The following ARHGAP44 variants were observed in gnomAD, a reference collection of about 807,000 sequenced individuals.
ARHGAP44 encodes the protein Rho GTPase activating protein 44.
In ARHGAP44, 43 loss-of-function variants were observed where a neutral mutation model predicts 106.8. The ratio of observed to expected loss-of-function variants is 0.40; its 90% CI spans 0.32 to 0.52. ARHGAP44 has a LOEUF of 0.52. ARHGAP44 is among the 20% of genes least tolerant of loss of function. The pLI is 0.48. For synonymous variants in ARHGAP44, 439 were observed against 410.3 expected (o/e 1.07, Z -0.85); for missense variants, 866 against 1,050.5 (o/e 0.82, Z 2.43).
intron 18 of ARHGAP44, among the ~76,000 whole-genome samples, chr17:12,978,429 G>C (rs1338645781): frequency 1.3e-5 from 2 of 152,256 alleles, no homozygotes; most frequent in Non-Finnish European, 2.9e-5. Context: ...GGTATAGTGT[G>C]TAAGACTCAT....
rs115636354 is a variant in ARHGAP44, at chr17:12,925,749, G to A, written c.465-3180G>A. Among the ~76,000 whole-genome samples the A allele has an allele frequency of 3.1e-3, 478 of 152,296 alleles. 1 individual carries two copies. The highest frequency in any genetic ancestry group is 0.011 in the African/African-American group (451 of 41,568). ...ATCCTTCTGCTCTTCAACTTTCAAA[G>A]CTCAAAGTTTCCTTGGACAATGTCT... On this transcript the variant is annotated intron_variant, in intron 6 of 20. Coordinates refer to ENST00000379672, the MANE Select transcript of ARHGAP44 (RefSeq NM_014859.6).
intron 15 of ARHGAP44, among the ~76,000 whole-genome samples, chr17:12,957,730 C>A (rs983701425): frequency 6.6e-6 from 1 of 152,094 alleles, no homozygotes; most frequent in Non-Finnish European, 1.5e-5. Flanking sequence ...GAAGAGATAG[C>A]AGTTGTTACA....
At chr17:12,959,827 C>T (rs1025184721) in intron 16 of ARHGAP44, among the ~76,000 whole-genome samples, 5 of 152,192 alleles carry the variant, frequency 3.3e-5, no homozygotes, top group Non-Finnish European at 7.3e-5. Flanking sequence ...ATGGGAGTAT[C>T]GGAAATGCAG....
intron 18 of ARHGAP44, among the ~76,000 whole-genome samples, chr17:12,975,536 C>T (rs933813082): frequency 2.6e-5 from 4 of 152,026 alleles, no homozygotes; most frequent in South Asian, 2.1e-4. Flanking sequence ...CGGTGGCTCA[C>T]GCCTGTAATC....
At chr17:12,941,805 A>C (rs2038716247) in intron 8 of ARHGAP44, among the ~76,000 whole-genome samples, 1 of 152,204 alleles carries the variant, frequency 6.6e-6, no homozygotes, top group Non-Finnish European at 1.5e-5. Context: ...TTACCAGGGT[A>C]AATGCAAAGC....
intron 7 of ARHGAP44, among the ~76,000 whole-genome samples, chr17:12,932,663 C>G (rs2038434610): frequency 6.7e-6 from 1 of 149,976 alleles, no homozygotes; most frequent in Non-Finnish European, 1.5e-5. Context: ...TTTAATACAT[C>G]TGAAATTTAT....
At chr17:12,904,381 C>T (rs866191316) in intron 3 of ARHGAP44, among the ~76,000 whole-genome samples, 19 of 152,332 alleles carry the variant, frequency 1.2e-4, no homozygotes, top group Middle Eastern at 6.8e-3. Context: ...TCTGGGATTA[C>T]AGGCGTGAGC....
At chr17:12,940,518 C>T (rs547614752) in intron 7 of ARHGAP44, among the ~76,000 whole-genome samples, 2 of 152,278 alleles carry the variant, frequency 1.3e-5, no homozygotes, top group South Asian at 2.1e-4. Flanking sequence ...CCAGATTTTG[C>T]CAAGTTTTGA....
At chr17:12,929,806 C>G (rs1482749873) in intron 7 of ARHGAP44, among the ~76,000 whole-genome samples, 1 of 152,206 alleles carries the variant, frequency 6.6e-6, no homozygotes. Flanking sequence ...TGTAACTATT[C>G]TGGGAACCTG....
chr17:12,895,129 C>A, intron 2 of ARHGAP44, 150 bp downstream of exon 2: 4 of 670,624 alleles, frequency 6.0e-6, no homozygotes, highest in Non-Finnish European at 9.5e-6. Context: ...GACTCTGTCT[C>A]AAAACAAACA....
intron 1 of ARHGAP44, among the ~76,000 whole-genome samples, chr17:12,817,091 C>CT (rs2034619956): frequency 6.6e-6 from 1 of 151,896 alleles, no homozygotes; most frequent in South Asian, 2.1e-4. Context: ...TAATGGAGTT[C>CT]AACTAGAAAT....
intron 6 of ARHGAP44, among the ~76,000 whole-genome samples, chr17:12,927,487 G>C (rs1201712907): frequency 2.0e-5 from 3 of 152,208 alleles, no homozygotes; most frequent in African/African-American, 7.2e-5. Context: ...GCTGCAGACT[G>C]ATGGTCTGAG....
Position 12,789,633 on chromosome 17 carries a change from G to C in ARHGAP44, c.-206G>C, listed in dbSNP as rs1389803147. On this transcript the variant is annotated 5_prime_UTR_variant, in exon 1 of 21. Transcript: ENST00000379672. ...GGCATTGCGCGGCGCGCGTGAGGGG[G>C]ATGCGGCAGGAGGCGGCGCGGCGGG... The C allele has an allele frequency of 5.8e-6, 2 of 344,596 alleles. No individual in the cohort carries two copies. Among genetic ancestry groups the C allele is most frequent in the East Asian group, 9.2e-5 (2 of 21,684 alleles). 21.3% of individuals were successfully genotyped at this position (344,596 alleles called of 1,614,324 possible).
rs1479716183 is a variant in ARHGAP44, at chr17:12,958,949, G to A, written c.1523+52G>A. On this transcript the variant is annotated intron_variant, in intron 16 of 20. Coordinates refer to ENST00000379672, the MANE Select transcript of ARHGAP44 (RefSeq NM_014859.6). This position sits in a 1 kb window ranked among gnomAD's most constrained non-coding sequence, Gnocchi z 4.1. ...ACTGGGGATTAGGGGAGGTGGTGGG[G>A]GTGGATGGGTGACGCATAAGAAAAA... 1.3e-6 allele frequency: 2 copies of A among 1,553,786 alleles called. No individual in the cohort carries two copies. The highest frequency in any genetic ancestry group is 2.3e-5 in the East Asian group (1 of 42,572).
intron 1 of ARHGAP44, among the ~76,000 whole-genome samples, chr17:12,862,663 A>G (rs183510592): frequency 1.1e-4 from 17 of 152,266 alleles, no homozygotes; most frequent in Admixed American, 9.2e-4. Flanking sequence ...AATGTTCATT[A>G]TACTTGCACG....
intron 1 of ARHGAP44, among the ~76,000 whole-genome samples, chr17:12,879,787 T>C (rs1187952912): frequency 6.6e-6 from 1 of 151,286 alleles, no homozygotes; most frequent in Admixed American, 6.6e-5. Context: ...CCCCATGCAA[T>C]TGAAAATTTT....
chr17:12,981,941 G>C lies in ARHGAP44; in HGVS notation c.1939+1708G>C, dbSNP rs192128735. On this transcript the variant is annotated intron_variant, in intron 19 of 20. Transcript: ENST00000379672. ...CACAAGAATTGCTTGAACCTGGGAGGTGGAGGTTGCACTGAGCCAAGATCG... is the reference window on the plus strand; with the variant it reads ...CACAAGAATTGCTTGAACCTGGGAGCTGGAGGTTGCACTGAGCCAAGATCG... Among the ~76,000 whole-genome samples, 38 of 152,224 alleles carry C rather than the reference G, an allele frequency of 2.5e-4. No homozygotes were observed. The East Asian group carries it at 7.3e-3, about 29-fold the overall frequency.
intron 1 of ARHGAP44, among the ~76,000 whole-genome samples, chr17:12,849,638 G>A (rs1276629910): frequency 1.7e-5 from 2 of 119,598 alleles, no homozygotes; most frequent in Non-Finnish European, 3.2e-5. Flanking sequence ...TGATCCCAAA[G>A]CATCCTGCTG....
chr17:12,793,024 C>T (rs1183231608), intron 1 of ARHGAP44, among the ~76,000 whole-genome samples: 5 of 152,338 alleles, frequency 3.3e-5, no homozygotes, highest in South Asian at 2.1e-4. Flanking sequence ...TTGGGAAGCA[C>T]TCCCTGGCCA....
Sources: gnomAD v4.1 joint callset for allele counts (sites outside exome capture counted in the v4.1 genomes callset) on GRCh38, gnomAD v4.1.1 for gene constraint, Gnocchi (gnomAD v3.1) non-coding constraint, MANE v1.5 for transcripts, NCBI Gene and HGNC (gene_info 2026-07-23, HGNC 2026-07-21) for gene names.